The following USP34 variants were observed in gnomAD, a reference collection of about 807,000 sequenced individuals.
USP34 encodes the protein ubiquitin specific peptidase 34, also known as ubiquitin carboxyl-terminal hydrolase 34.
In USP34, 70 loss-of-function variants were observed where a neutral mutation model predicts 460.3. The observed-to-expected ratio is 0.15, with a 90% CI of 0.13 to 0.19. The LOEUF is 0.19. USP34 is among the 10% of genes least tolerant of loss of function. USP34 has a pLI of 1.00. For missense variants in USP34, 3,985 were observed against 4,236.2 expected (o/e 0.94, Z 1.65); for synonymous variants, 1,647 against 1,405.3 (o/e 1.17, Z -3.85).
intron 1 of USP34, among the ~76,000 whole-genome samples, chr2:61,435,754 C>G (rs748001853): frequency 6.6e-6 from 1 of 152,270 alleles, no homozygotes; most frequent in East Asian, 1.9e-4. Flanking sequence ...ACTGGCCATG[C>G]GCAGTGGCTC....
intron 29 of USP34, among the ~76,000 whole-genome samples, chr2:61,299,069 A>C (rs573156411): frequency 6.6e-6 from 1 of 152,242 alleles, no homozygotes; most frequent in African/African-American, 2.4e-5. Context: ...CAGAGGTTTC[A>C]TGGGCACCTA....
At position 61,228,628 on chromosome 2, in the gene USP34, G is replaced by A. The variant is rs374472927; in HGVS notation, c.7443+17C>T. The A allele has an allele frequency of 4.2e-5, 68 of 1,604,230 alleles. No individual in the cohort carries two copies. The highest frequency in any genetic ancestry group is 5.4e-5 in the Non-Finnish European group (64 of 1,174,850). On this transcript the variant is annotated intron_variant, in intron 61 of 79. Coordinates refer to ENST00000398571, the MANE Select transcript of USP34 (RefSeq NM_014709.4). ...CCAGAGCCTCTAATACCTAATGTAC[G>A]ATAGAACTGTACTTACATTTTCAGG...
chr2:61,198,068 A>G (rs1010706956), intron 75 of USP34, among the ~76,000 whole-genome samples: 4 of 152,170 alleles, frequency 2.6e-5, no homozygotes, highest in African/African-American at 9.7e-5. Context: ...CGGCAGTACC[A>G]GTTTTCCATA....
At chr2:61,394,607 TAGATA>T (rs552533995) in intron 5 of USP34, among the ~76,000 whole-genome samples, 199 of 151,920 alleles carry the variant, frequency 1.3e-3, no homozygotes, top group South Asian at 8.1e-3. Flanking sequence ...TCACCTATCT[TAGATA>T]AAATAGATAA....
rs549094042 is a variant in USP34 at position 61,411,144 on chromosome 2, G to C, written c.132-5016C>G. 5.9e-5 allele frequency among the ~76,000 whole-genome samples: 9 copies of C among 152,184 alleles called. No individual in the cohort carries two copies. The South Asian group carries it at 6.2e-4, about 11-fold the overall frequency. On this transcript the variant is annotated intron_variant, in intron 2 of 79. Transcript: ENST00000398571. ...TCATGCCTGTAATCCCAGCACTTTG[G>C]GGGGCAGAGGCAGGAGGATCGCTTA...
intron 10 of USP34, among the ~76,000 whole-genome samples, chr2:61,354,834 T>C (rs907158088): frequency 4.6e-5 from 7 of 152,152 alleles, no homozygotes; most frequent in African/African-American, 1.7e-4. Context: ...AGGCAGACCC[T>C]TGGGTGATCA....
intron 18 of USP34, among the ~76,000 whole-genome samples, chr2:61,335,108 A>C (rs528009924): frequency 6.6e-6 from 1 of 152,314 alleles, no homozygotes; most frequent in South Asian, 2.1e-4. Context: ...TTAGACTATA[A>C]ATTAATAAAA....
chr2:61,415,198 G>A lies in USP34; in HGVS notation c.131+5548C>T, dbSNP rs573528182. Among the ~76,000 whole-genome samples, 22 of 152,052 alleles carry A rather than the reference G, an allele frequency of 1.4e-4. No homozygotes were observed. In the South Asian group the frequency reaches 4.6e-3, roughly 32 times the overall value. On this transcript the variant is annotated intron_variant, in intron 2 of 79. Coordinates refer to ENST00000398571, the MANE Select transcript of USP34 (RefSeq NM_014709.4). Reference sequence around the variant, plus strand: ...AGAGACAAGCAAAATGAATTATAAGGATGAGATCTGAAGAGAAGGTAGTAA... The same window carrying A: ...AGAGACAAGCAAAATGAATTATAAGAATGAGATCTGAAGAGAAGGTAGTAA...
Position 61,288,852 on chromosome 2 carries a change from A to G in USP34, c.4574T>C (p.Leu1525Ser). The G allele has an allele frequency of 1.9e-6, 3 of 1,613,218 alleles. No individual in the cohort carries two copies. Among genetic ancestry groups the G allele is most frequent in the Non-Finnish European group, 2.5e-6 (3 of 1,179,908 alleles). Reference sequence around the variant, plus strand: ...TGCAAACTGGCATATTAACTTCAGCAAGCAAGCAAGACAGTCTAGCTGCCA... The same window carrying G: ...TGCAAACTGGCATATTAACTTCAGCGAGCAAGCAAGACAGTCTAGCTGCCA... ...TVWQLDCLAC[L>S]LKLICQFAVD... Residue 1525 changes from leucine to serine, a missense_variant, in exon 34 of 80, where the codon TTG (leucine) becomes TCG (serine). By Grantham distance (145) the Leu-to-Ser change is moderately radical. Coordinates refer to ENST00000398571, the MANE Select transcript of USP34 (RefSeq NM_014709.4).
intron 10 of USP34, among the ~76,000 whole-genome samples, chr2:61,351,053 T>C (rs986590175): frequency 6.6e-6 from 1 of 152,152 alleles, no homozygotes; most frequent in African/African-American, 2.4e-5. Flanking sequence ...TGAGACCTCA[T>C]CTCTGTAAAA....
chr2:61,350,723 A>G, intron 10 of USP34, 30 bp from the exon 11 acceptor site: 1 of 1,600,518 alleles, frequency 6.2e-7, no homozygotes, highest in Non-Finnish European at 8.5e-7. Flanking sequence ...AGAATGGTCA[A>G]AAATAATTGC....
At chr2:61,435,622 G>T (rs1232141769) in intron 1 of USP34, among the ~76,000 whole-genome samples, 1 of 152,146 alleles carries the variant, frequency 6.6e-6, no homozygotes, top group Non-Finnish European at 1.5e-5. Flanking sequence ...GAGCAAGCAA[G>T]GAACAAAGGA....
At position 61,405,822 on chromosome 2, in the gene USP34, A is replaced by G. The variant is rs189751460; in HGVS notation, c.438T>C (p.Phe146=). 5.0e-6 allele frequency: 8 copies of G among 1,613,520 alleles called. No homozygotes were observed. The highest frequency in any genetic ancestry group is 1.3e-5 in the African/African-American group (1 of 74,842). Residue 146 remains phenylalanine (F), a synonymous_variant, in exon 3 of 80, where the codon TTT becomes TTC. Coordinates refer to ENST00000398571, the MANE Select transcript of USP34 (RefSeq NM_014709.4). The stretch of plus-strand genomic sequence containing the variant: ...CCTTCTCATCTGTACTCCATAAACT[A>G]AAAGGATCAGAACTCTTTGAAGATT... ...EEESSKSSDP[F]SLWSTDEKEK...
intron 18 of USP34, among the ~76,000 whole-genome samples, chr2:61,338,055 C>T (rs1310382961): frequency 6.6e-6 from 1 of 152,204 alleles, no homozygotes; most frequent in Non-Finnish European, 1.5e-5. Context: ...GGCACAGTGA[C>T]TCACGCCTGT....
At chr2:61,258,338 G>A (rs1427318007) in intron 44 of USP34, among the ~76,000 whole-genome samples, 1 of 152,016 alleles carries the variant, frequency 6.6e-6, no homozygotes, top group African/African-American at 2.4e-5. Context: ...AATAAAAATA[G>A]TCAAAAATAC....
At chr2:61,461,082 C>G (rs967095104) in intron 1 of USP34, among the ~76,000 whole-genome samples, 3 of 151,382 alleles carry the variant, frequency 2.0e-5, no homozygotes, top group African/African-American at 7.3e-5. Flanking sequence ...AAAAAGCGAG[C>G]TTTGAATTTT....
At chr2:61,466,670 G>T (rs1326637264) in intron 1 of USP34, among the ~76,000 whole-genome samples, 4 of 152,096 alleles carry the variant, frequency 2.6e-5, no homozygotes, top group Admixed American at 2.6e-4. Context: ...GCAGCACTTT[G>T]GGAGGTACAG....
At chr2:61,452,824 G>A (rs1292915235) in intron 1 of USP34, among the ~76,000 whole-genome samples, 1 of 150,516 alleles carries the variant, frequency 6.6e-6, no homozygotes, top group Non-Finnish European at 1.5e-5. Context: ...GGTCAAGGCT[G>A]CAGTCAGTCT....
chr2:61,296,751 G>A (rs751907744), intron 30 of USP34, 49 bp downstream of exon 30: 1 of 1,574,454 alleles, frequency 6.4e-7, no homozygotes, highest in South Asian at 1.2e-5. Context: ...CAATAGGAAT[G>A]TAAACTGGTA....
Sources: allele counts gnomAD v4.1 joint callset (sites outside exome capture counted in the v4.1 genomes callset), GRCh38; gene constraint gnomAD v4.1.1; transcripts MANE v1.5; gene names NCBI Gene and HGNC (gene_info 2026-07-23, HGNC 2026-07-21).